Variants in PIK3C2B observed in about 807,000 individuals in gnomAD.
PIK3C2B encodes the protein phosphatidylinositol-4-phosphate 3-kinase catalytic subunit type 2 beta, also known as phosphatidylinositol 4-phosphate 3-kinase C2 domain-containing subunit beta.
A neutral mutation model predicts 184.3 loss-of-function variants in PIK3C2B; 83 were observed. That is an observed-to-expected ratio of 0.45 (90% CI 0.38 to 0.54). PIK3C2B has a LOEUF of 0.54. PIK3C2B is among the 20% of genes least tolerant of loss of function. The pLI, the probability that PIK3C2B is intolerant of heterozygous loss-of-function variation, is 0.00. For synonymous variants in PIK3C2B, 779 were observed against 837.6 expected (o/e 0.93, Z 1.21); for missense variants, 1,736 against 2,113.5 (o/e 0.82, Z 3.50).
chr1:204,427,739 C>G lies in PIK3C2B; in HGVS notation c.4496G>C (p.Arg1499Pro), dbSNP rs145343510. The G allele has an allele frequency of 5.6e-6, 9 of 1,613,486 alleles. No individual in the cohort carries two copies. Among genetic ancestry groups the G allele is most frequent in the Non-Finnish European group, 6.8e-6 (8 of 1,179,520 alleles). Reference protein sequence around the residue: ...APKSSDGTWARPVGKVGGEVK... With the variant: ...APKSSDGTWAPPVGKVGGEVK... ...CTCCCCTCCCACCTTTCCGACGGGCCGGGCCCATGTGCCATCTGTAGGGAC... is the reference window on the plus strand; with the variant it reads ...CTCCCCTCCCACCTTTCCGACGGGCGGGGCCCATGTGCCATCTGTAGGGAC... Residue 1499 changes from arginine (R) to proline (P), a missense_variant, in exon 31 of 33, where the codon CGG (arginine) becomes CCG (proline). Around this residue, in one of 8 missense-constraint regions of PIK3C2B, gnomAD observed 200 missense variants for 199.1 expected, o/e 1.00. Transcript: ENST00000684373.
In PIK3C2B at chr1:204,444,068, CAGA is replaced by C. The variant is rs1458446592; in HGVS notation, c.2864_2866del (p.Phe955del). On this transcript the variant is annotated inframe_deletion and splice_region_variant, in exon 18 of 33. Transcript: ENST00000684373. ...CCCACTTTTCTACATGCAGTTTTAC[CAGA>C]AGAAGTAGTGAGTCACTCTCAAGTC... 1 of 1,602,326 alleles carries C rather than the reference CAGA, an allele frequency of 6.2e-7. No homozygotes were observed.
intron 16 of PIK3C2B, among the ~76,000 whole-genome samples, chr1:204,445,588 C>G (rs1464728572): frequency 3.5e-5 from 4 of 113,504 alleles, no homozygotes; most frequent in African/African-American, 1.3e-4. Context: ...GGTGACAGAG[C>G]AAGACCCTGT....
At chr1:204,458,363 C>T (rs1445688239) in intron 8 of PIK3C2B, among the ~76,000 whole-genome samples, 2 of 152,190 alleles carry the variant, frequency 1.3e-5, no homozygotes, top group African/African-American at 4.8e-5. Flanking sequence ...CCCTCCCTGG[C>T]CAATCCCCTT....
rs1158541930 is a variant in PIK3C2B, at chr1:204,458,494, A to ATTTTTTTTTTTTTTTTTTTT, written c.1567-621_1567-620insAAAAAAAAAAAAAAAAAAAA. 1.4e-5 allele frequency among the ~76,000 whole-genome samples: 2 copies of ATTTTTTTTTTTTTTTTTTTT among 142,118 alleles called. 1 individual carries two copies. Among genetic ancestry groups the ATTTTTTTTTTTTTTTTTTTT allele is most frequent in the Non-Finnish European group, 3.1e-5 (2 of 64,946 alleles). 93.2% of individuals were successfully genotyped at this position (142,118 alleles called of 152,430 possible). On this transcript the variant is annotated intron_variant, in intron 8 of 32. Transcript: ENST00000684373. Reference sequence around the variant, plus strand: ...CACAAGCTCCCCAAAGGCTATGACAATTTTTTTTTTTTTTTTTGAGACGGA... The same window carrying ATTTTTTTTTTTTTTTTTTTT: ...CACAAGCTCCCCAAAGGCTATGACAATTTTTTTTTTTTTTTTTTTTTTTTTTTTTTTTTTTTTGAGACGGA...
intron 28 of PIK3C2B, among the ~76,000 whole-genome samples, chr1:204,430,976 T>C (rs1183765327): frequency 6.6e-6 from 1 of 152,226 alleles, no homozygotes; most frequent in Non-Finnish European, 1.5e-5. Context: ...TTTAAAAAAA[T>C]TGCAGTAAAA....
chr1:204,462,167 C>A (rs540832898), intron 5 of PIK3C2B, among the ~76,000 whole-genome samples: 2 of 152,232 alleles, frequency 1.3e-5, no homozygotes, highest in African/African-American at 4.8e-5. Flanking sequence ...GGGGTGTGAT[C>A]TGAGGACCGC....
In PIK3C2B at chr1:204,464,059, C is replaced by T. The variant is rs750267618; in HGVS notation, c.1263G>A (p.Val421=). The T allele has an allele frequency of 3.7e-6, 6 of 1,614,106 alleles. No individual in the cohort carries two copies. In the African/African-American group the frequency reaches 5.3e-5, roughly 14 times the overall value. The change falls in exon 5 of 33, where the codon GTG becomes GTA. Residue 421 remains valine, a synonymous_variant. Transcript: ENST00000684373. ...YTHDDLRNVD[V]GDFVLKPCGL... ...CGCAGGGCTTTAGCACAAAGTCACC[C>T]ACGTCCACATTCCTCAGGTCATCAT...
In PIK3C2B at chr1:204,439,175, A is replaced by G; in HGVS notation, c.3380-104T>C. 2.6e-6 allele frequency: 3 copies of G among 1,173,564 alleles called. No individual in the cohort carries two copies. The South Asian group carries it at 4.4e-5, about 17-fold the overall frequency. The allele number at this position is 1,173,564 out of a possible 1,614,324, so 72.7% of individuals were successfully genotyped here. A position where few individuals can be genotyped will look rare whatever the true frequency, so the allele number is the denominator to read the frequency against. On this transcript the variant is annotated intron_variant, in intron 22 of 32. Transcript: ENST00000684373. ...CATGCTTCCCTATAAATTAAGCTGT[A>G]AGGCATTTGGACTAAGTCTGATAAT...
At chr1:204,465,172 C>CAACCCCCAA in intron 3 of PIK3C2B, 47 bp downstream of exon 3, 1 of 820,644 alleles carries the variant, frequency 1.2e-6, no homozygotes, top group Non-Finnish European at 2.1e-6. Context: ...CCCCCCTCCC[C>CAACCCCCAA]ATCCCCCATA....
At chr1:204,484,561 C>T (rs761068915) in intron 1 of PIK3C2B, among the ~76,000 whole-genome samples, 12 of 152,040 alleles carry the variant, frequency 7.9e-5, no homozygotes, top group Admixed American at 1.3e-4. Context: ...AGTGAAAGCC[C>T]GTCCCTACTA....
Position 204,464,028 on chromosome 1 carries a change from C to T in PIK3C2B, c.1294G>A (p.Glu432Lys). The T allele has an allele frequency of 6.2e-7, 1 of 1,614,148 alleles. No homozygotes were observed. Among genetic ancestry groups the T allele is most frequent in the Non-Finnish European group, 8.5e-7 (1 of 1,179,992 alleles). The change falls in exon 5 of 33, where the codon GAG becomes AAG. Residue 432 changes from glutamate to lysine, a missense_variant. Glu to Lys is a moderately conservative substitution (Grantham distance 56). Transcript: ENST00000684373. ...GDFVLKPCGL[E>K]EFLQNKHALG... is the part of the protein sequence containing the mutation. ...TTCACTCACTTCTGCAGGAACTCCT[C>T]CAGCCCGCAGGGCTTTAGCACAAAG... is the stretch of plus-strand genomic sequence containing the variant.
Position 204,433,920 on chromosome 1 carries a change from T to TCCGA in PIK3C2B, c.3712_3715dup (p.Asp1239ValfsTer11). 1 of 1,613,976 alleles carries TCCGA rather than the reference T, an allele frequency of 6.2e-7. No individual in the cohort carries two copies. Among genetic ancestry groups the TCCGA allele is most frequent in the Middle Eastern group, 1.7e-4 (1 of 6,046 alleles). ...ACCCCCGTTGATGACATACGCCATGTCCGAGGTGAAGACAAAGGGGGCACG... is the reference window on the plus strand; with the variant it reads ...ACCCCCGTTGATGACATACGCCATGTCCGACCGAGGTGAAGACAAAGGGGGCACG... On this transcript the variant is annotated frameshift_variant, in exon 25 of 33. Coordinates refer to ENST00000684373, the MANE Select transcript of PIK3C2B (RefSeq NM_001377334.1). LOFTEE classifies it high-confidence loss of function. This position sits in a 1 kb window ranked among gnomAD's most constrained non-coding sequence, Gnocchi z 5.0.
rs1674670322 is a variant in PIK3C2B at position 204,424,975 on chromosome 1, A to G, written c.4782T>C (p.Ser1594=). ...GGACGTTCTCCCAGAATCCCTGCTCACTCAGCACGCTCAGCTGGAGCTCCC... is the reference window on the plus strand; with the variant it reads ...GGACGTTCTCCCAGAATCCCTGCTCGCTCAGCACGCTCAGCTGGAGCTCCC... ...QQRELQLSVL[S]EQGFWENVLL... The change falls in exon 33 of 33, where the codon AGT becomes AGC. Residue 1594 remains serine, a synonymous_variant. Coordinates refer to ENST00000684373, the MANE Select transcript of PIK3C2B (RefSeq NM_001377334.1). 1 of 1,614,138 alleles carries G rather than the reference A, an allele frequency of 6.2e-7. No individual in the cohort carries two copies. Among genetic ancestry groups the G allele is most frequent in the Non-Finnish European group, 8.5e-7 (1 of 1,179,984 alleles).
chr1:204,449,915 G>A lies in PIK3C2B; in HGVS notation c.2169C>T (p.Ala723=). Residue 723 remains alanine, a synonymous_variant, in exon 13 of 33, where the codon GCC becomes GCT. Transcript: ENST00000684373. Reference sequence around the variant, plus strand: ...CTTCAGGCACCCGCCGCTGCTTATTGGCCTCTGAGGAGCTCCCCGGTGGGG... The same window carrying A: ...CTTCAGGCACCCGCCGCTGCTTATTAGCCTCTGAGGAGCTCCCCGGTGGGG... ...PIPPPGSSSE[A]NKQRRVPEAL... 1.2e-6 allele frequency: 2 copies of A among 1,613,928 alleles called. No individual in the cohort carries two copies. The highest frequency in any genetic ancestry group is 1.7e-6 in the Non-Finnish European group (2 of 1,179,946).
Position 204,469,299 on chromosome 1 carries a change from G to C in PIK3C2B, c.504C>G (p.Thr168=). 2 of 1,538,944 alleles carry C rather than the reference G, an allele frequency of 1.3e-6. No individual in the cohort carries two copies. The highest frequency in any genetic ancestry group is 1.7e-6 in the Non-Finnish European group (2 of 1,144,018). ...PLPPRASIWD[T]PPLPPRKGSP... ...ACCCCTTTCTGGGAGGCAGGGGAGG[G>C]GTATCCCAGATAGAAGCTCGGGGAG... Residue 168 remains threonine, a synonymous_variant, in exon 2 of 33, where the codon ACC becomes ACG. Coordinates refer to ENST00000684373, the MANE Select transcript of PIK3C2B (RefSeq NM_001377334.1).
At chr1:204,483,120 G>A (rs995305359) in intron 1 of PIK3C2B, among the ~76,000 whole-genome samples, 3 of 152,012 alleles carry the variant, frequency 2.0e-5, no homozygotes, top group Non-Finnish European at 2.9e-5. Flanking sequence ...GCTTCCATCC[G>A]AATTCAAGAT....
rs767900441 is a variant in PIK3C2B at position 204,439,015 on chromosome 1, C to T, written c.3436G>A (p.Gly1146Arg). ...ETLRKIQVEHGVTGSFKDRPL... is the reference protein window; with the variant it reads ...ETLRKIQVEHRVTGSFKDRPL... ...CGGTCCTTGAACGAGCCGGTCACCC[C>T]ATGCTCCACCTGGATCTTACGCAGG... The change falls in exon 23 of 33, where the codon GGG (glycine) becomes AGG (arginine). Residue 1146 changes from glycine to arginine, a missense_variant. Gly to Arg is a moderately radical substitution (Grantham distance 125). Transcript: ENST00000684373. 6.2e-7 allele frequency: 1 copy of T among 1,614,136 alleles called. No homozygotes were observed. The highest frequency in any genetic ancestry group is 8.5e-7 in the Non-Finnish European group (1 of 1,180,022).
rs773149334 is a variant in PIK3C2B, at chr1:204,449,959, G to C, written c.2125C>G (p.Leu709Val). The change falls in exon 13 of 33, where the codon CTC becomes GTC. Residue 709 changes from leucine to valine, a missense_variant. Transcript: ENST00000684373. ...LPRETLLCAT[L>V]YALPIPPPGS... is the part of the protein sequence containing the mutation. ...GGTGGGGGGATGGGCAGAGCATAGA[G>C]AGTGGCACACAGCAGTGTCTCCCGA... The C allele has an allele frequency of 5.0e-6, 8 of 1,608,790 alleles. No homozygotes were observed. Among genetic ancestry groups the C allele is most frequent in the Non-Finnish European group, 6.8e-6 (8 of 1,177,690 alleles).
At position 204,429,959 on chromosome 1, in the gene PIK3C2B, T is replaced by A. The variant is rs1674951810; in HGVS notation, c.4360A>T (p.Ile1454Phe). The change falls in exon 29 of 33, where the codon ATC (isoleucine) becomes TTC (phenylalanine). Residue 1454 changes from isoleucine to phenylalanine, a missense_variant. Transcript: ENST00000684373. ...ERRREELNGY[I>F]WHLIHAPPEV... Reference sequence around the variant, plus strand: ...GGGGGTGCGTGGATCAAGTGCCAGATGTAACCGTTTAGCTCCTCCCTCCGC... The same window carrying A: ...GGGGGTGCGTGGATCAAGTGCCAGAAGTAACCGTTTAGCTCCTCCCTCCGC... 1.9e-6 allele frequency: 3 copies of A among 1,612,946 alleles called. No individual in the cohort carries two copies. The highest frequency in any genetic ancestry group is 2.2e-5 in the South Asian group (2 of 91,082).
Sources: gnomAD v4.1 joint callset for allele counts (sites outside exome capture counted in the v4.1 genomes callset) on GRCh38, gnomAD v4.1.1 for gene constraint, gnomAD v4.1.1 regional missense constraint, Gnocchi (gnomAD v3.1) non-coding constraint, MANE v1.5 for transcripts, NCBI Gene and HGNC (gene_info 2026-07-23, HGNC 2026-07-21) for gene names.